SLC14A2: variants seen among roughly 807,000 people sequenced by gnomAD.
SLC14A2 encodes solute carrier family 14 member 2.
SLC14A2 carries 91 observed loss-of-function variants against 104.6 expected under a neutral mutation model. That is an observed-to-expected ratio of 0.87 (90% CI 0.73 to 1.04). The LOEUF is 1.04. SLC14A2 is among the 50% of genes least tolerant of loss of function. The probability of loss-of-function intolerance (pLI) is 0.00; values close to 1 mark genes in which losing one functional copy is unlikely to be tolerated. For synonymous variants in SLC14A2, 476 were observed against 466.4 expected (o/e 1.02, Z -0.27); for missense variants, 1,189 against 1,156.0 (o/e 1.03, Z -0.41).
intron 1 of SLC14A2, among the ~76,000 whole-genome samples, chr18:45,219,632 G>T (rs1032997218): frequency 5.3e-5 from 8 of 152,206 alleles, no homozygotes; most frequent in Non-Finnish European, 1.2e-4. Flanking sequence ...TTGTTTTCGT[G>T]CCTCTGAAAA....
chr18:45,506,852 G>A (rs983186856), intron 2 of SLC14A2, among the ~76,000 whole-genome samples: 3 of 152,224 alleles, frequency 2.0e-5, no homozygotes, highest in Non-Finnish European at 2.9e-5. Flanking sequence ...GTACCATGGT[G>A]TACAAAATCC....
intron 1 of SLC14A2, among the ~76,000 whole-genome samples, chr18:45,221,388 TCTAATTGGC>T (rs1276792135): frequency 2.0e-5 from 3 of 152,178 alleles, no homozygotes; most frequent in Non-Finnish European, 4.4e-5. Flanking sequence ...GGGGAAAGCC[TCTAATTGGC>T]CTATCTTGCA....
intron 1 of SLC14A2, among the ~76,000 whole-genome samples, chr18:45,427,457 T>C (rs2086450833): frequency 6.6e-6 from 1 of 152,088 alleles, no homozygotes. Context: ...CTGAAGTTCC[T>C]CCTGACAGTC....
At position 45,668,408 on chromosome 18, in the gene SLC14A2, C is replaced by T; in HGVS notation, c.1967C>T (p.Ala656Val). 1 of 1,614,102 alleles carries T rather than the reference C, an allele frequency of 6.2e-7. No homozygotes were observed. The highest frequency in any genetic ancestry group is 1.1e-5 in the South Asian group (1 of 91,080). Residue 656 changes from alanine (A) to valine (V), a missense_variant, in exon 15 of 20, where the codon GCC becomes GTC. Physicochemically the swap from Ala to Val is moderately conservative, Grantham distance 64 (BLOSUM62 0). Coordinates refer to ENST00000255226, the MANE Select transcript of SLC14A2 (RefSeq NM_007163.4). The stretch of plus-strand genomic sequence containing the variant: ...GGGGTGCTGGTGGGGCTGCTGATGG[C>T]CGTGTTCTCAGACAAAGGTGACTAC... The part of the protein sequence containing the change: ...YNGVLVGLLM[A>V]VFSDKGDYYW...
At chr18:45,488,453 A>G (rs1414645443) in intron 2 of SLC14A2, among the ~76,000 whole-genome samples, 1 of 152,204 alleles carries the variant, frequency 6.6e-6, no homozygotes, top group Admixed American at 6.5e-5. Flanking sequence ...CTGGTGGTCA[A>G]AAGAGTAGAG....
intron 1 of SLC14A2, among the ~76,000 whole-genome samples, chr18:45,353,214 G>A (rs1357217015): frequency 1.3e-5 from 2 of 152,196 alleles, no homozygotes; most frequent in Non-Finnish European, 2.9e-5. Flanking sequence ...TCCTTCTCAG[G>A]CCATAGTTTG....
chr18:45,367,503 C>A (rs2085678108), intron 1 of SLC14A2, among the ~76,000 whole-genome samples: 1 of 152,202 alleles, frequency 6.6e-6, no homozygotes, highest in African/African-American at 2.4e-5. Context: ...TTGACCAAAT[C>A]AGTGAGCAAG....
intron 1 of SLC14A2, among the ~76,000 whole-genome samples, chr18:45,480,534 C>T (rs1238290175): frequency 1.3e-5 from 2 of 152,314 alleles, no homozygotes; most frequent in East Asian, 1.9e-4. Context: ...TTTGTGTTCT[C>T]ACCAGGAATA....
chr18:45,559,123 G>A (rs1239172925), intron 2 of SLC14A2, among the ~76,000 whole-genome samples: 2 of 152,108 alleles, frequency 1.3e-5, no homozygotes, highest in Non-Finnish European at 2.9e-5. Context: ...CATTGTGCTA[G>A]GTGGATTAGA....
At chr18:45,663,744 C>A in intron 10 of SLC14A2, 41 bp from the exon 11 acceptor site, 1 of 1,598,442 alleles carries the variant, frequency 6.3e-7, no homozygotes, top group Non-Finnish European at 8.5e-7. Context: ...CAGGTGCGGA[C>A]TAGGTGGGAC....
At chr18:45,299,650 CAG>C (rs780391783) in intron 1 of SLC14A2, among the ~76,000 whole-genome samples, 14 of 152,148 alleles carry the variant, frequency 9.2e-5, no homozygotes, top group Non-Finnish European at 1.6e-4. Context: ...TTAGTAGAGA[CAG>C]GGTTTTGCCA....
At chr18:45,555,017 T>C (rs978086584) in intron 2 of SLC14A2, among the ~76,000 whole-genome samples, 2 of 152,250 alleles carry the variant, frequency 1.3e-5, no homozygotes, top group Admixed American at 1.3e-4. Flanking sequence ...CAAATGTACC[T>C]GTTGCCTTTA....
At chr18:45,543,309 G>T (rs1318414704) in intron 2 of SLC14A2, among the ~76,000 whole-genome samples, 1 of 151,784 alleles carries the variant, frequency 6.6e-6, no homozygotes, top group Non-Finnish European at 1.5e-5. Context: ...AATATCTGTG[G>T]TATCAGGGTT....
intron 1 of SLC14A2, among the ~76,000 whole-genome samples, chr18:45,255,514 T>C (rs2084467881): frequency 6.6e-6 from 1 of 152,208 alleles, no homozygotes; most frequent in Non-Finnish European, 1.5e-5. Flanking sequence ...AATAGTCAAT[T>C]TGCTTTAAAA....
intron 2 of SLC14A2, among the ~76,000 whole-genome samples, chr18:45,511,663 AGG>A (rs2043367399): frequency 6.6e-6 from 1 of 152,224 alleles, no homozygotes; most frequent in Non-Finnish European, 1.5e-5. Context: ...CTGGGGTCTC[AGG>A]TGTATGTGTT....
intron 10 of SLC14A2, among the ~76,000 whole-genome samples, chr18:45,651,456 T>TGAC (rs2045735668): frequency 6.6e-6 from 1 of 152,164 alleles, no homozygotes; most frequent in Non-Finnish European, 1.5e-5. Flanking sequence ...TTGTTCAGTG[T>TGAC]TTCTCCAGAG....
At chr18:45,407,625 C>A (rs9959287) in intron 1 of SLC14A2, among the ~76,000 whole-genome samples, 2,540 of 152,236 alleles carry the variant, frequency 0.017, 74 homozygotes, top group African/African-American at 0.058. Context: ...AAAACTTAAT[C>A]ATGTCTAGCT....
intron 1 of SLC14A2, among the ~76,000 whole-genome samples, chr18:45,332,085 A>G (rs2085296278): frequency 6.6e-6 from 1 of 152,202 alleles, no homozygotes; most frequent in Non-Finnish European, 1.5e-5. Context: ...TCTCTCTTCT[A>G]AAACTTCTCT....
intron 1 of SLC14A2, among the ~76,000 whole-genome samples, chr18:45,395,059 A>T (rs1010816091): frequency 6.6e-6 from 1 of 152,214 alleles, no homozygotes; most frequent in Non-Finnish European, 1.5e-5. Context: ...TGAGATCAGG[A>T]TCTTGAAAAT....
Sources: gnomAD v4.1 joint callset for allele counts (sites outside exome capture counted in the v4.1 genomes callset) on GRCh38, gnomAD v4.1.1 for gene constraint, MANE v1.5 for transcripts, NCBI Gene and HGNC (gene_info 2026-07-23, HGNC 2026-07-21) for gene names.